Variants in RALGAPA1 observed in about 807,000 individuals in gnomAD.
The protein encoded by RALGAPA1 is ral GTPase-activating protein subunit alpha-1.
A neutral mutation model predicts 269.6 loss-of-function variants in RALGAPA1; 52 were observed. The observed-to-expected ratio is 0.19, with a 90% confidence interval of 0.15 to 0.24. The LOEUF (loss-of-function observed/expected upper bound fraction) is 0.24, where lower values mean the gene tolerates loss of function less well. Ranked by LOEUF, RALGAPA1 falls within the 10% of genes least tolerant of loss-of-function variation. The pLI is 1.00. For synonymous variants in RALGAPA1, 817 were observed against 1,008.3 expected (o/e 0.81, Z 3.60); for missense variants, 1,917 against 3,013.9 (o/e 0.64, Z 8.52).
At chr14:35,670,397 T>G (rs2064304841) in intron 26 of RALGAPA1, among the ~76,000 whole-genome samples, 1 of 152,234 alleles carries the variant, frequency 6.6e-6, no homozygotes, top group East Asian at 1.9e-4. Context: ...ATTTACACTT[T>G]GCTCCAGAGT....
intron 1 of RALGAPA1, among the ~76,000 whole-genome samples, chr14:35,780,190 A>T (rs560675747): frequency 1.3e-5 from 2 of 152,338 alleles, no homozygotes; most frequent in Non-Finnish European, 2.9e-5. Flanking sequence ...ACAATTGTGA[A>T]CATATATGCA....
chr14:35,575,443 A>G (rs372389846), intron 37 of RALGAPA1, among the ~76,000 whole-genome samples: 11 of 152,312 alleles, frequency 7.2e-5, no homozygotes, highest in East Asian at 3.9e-4. Flanking sequence ...CCTCAAATAC[A>G]CTAGAATGTT....
intron 35 of RALGAPA1, among the ~76,000 whole-genome samples, chr14:35,606,815 T>C (rs1033874845): frequency 6.6e-6 from 1 of 151,808 alleles, no homozygotes; most frequent in African/African-American, 2.4e-5. Context: ...TTTAAAGAAT[T>C]TAGTCTGACA....
chr14:35,727,318 T>C (rs2070040699), intron 13 of RALGAPA1, among the ~76,000 whole-genome samples: 2 of 129,930 alleles, frequency 1.5e-5, no homozygotes, highest in Admixed American at 1.5e-4. Context: ...GGCATATATA[T>C]ATATATATAT....
chr14:35,626,406 C>T (rs1444197117), intron 34 of RALGAPA1, among the ~76,000 whole-genome samples: 1 of 152,136 alleles, frequency 6.6e-6, no homozygotes, highest in Non-Finnish European at 1.5e-5. Flanking sequence ...CCACTACCTA[C>T]AGGGTTTCAT....
At chr14:35,757,438 C>T (rs2073285221) in intron 6 of RALGAPA1, among the ~76,000 whole-genome samples, 1 of 152,004 alleles carries the variant, frequency 6.6e-6, no homozygotes, top group Admixed American at 6.6e-5. Context: ...TAACAATCAG[C>T]TGTTCTGTGA....
At chr14:35,668,704 C>T (rs192516136) in intron 26 of RALGAPA1, among the ~76,000 whole-genome samples, 58 of 152,198 alleles carry the variant, frequency 3.8e-4, no homozygotes, top group Non-Finnish European at 1.3e-4. Flanking sequence ...TACTTGGGAT[C>T]TGTTGTGGGA....
chr14:35,549,522 TTTAC>T (rs1185777856), intron 39 of RALGAPA1, among the ~76,000 whole-genome samples: 1 of 152,134 alleles, frequency 6.6e-6, no homozygotes, highest in African/African-American at 2.4e-5. Context: ...AAGTTAACAG[TTTAC>T]TTGAGAAAGG....
At chr14:35,598,401 T>A (rs1335022000) in intron 36 of RALGAPA1, among the ~76,000 whole-genome samples, 4 of 150,218 alleles carry the variant, frequency 2.7e-5, no homozygotes, top group Non-Finnish European at 5.9e-5. Context: ...CTATATTGTT[T>A]TATATATATA....
chr14:35,797,198 C>A (rs2076626857), intron 1 of RALGAPA1, among the ~76,000 whole-genome samples: 1 of 151,112 alleles, frequency 6.6e-6, no homozygotes, highest in Non-Finnish European at 1.5e-5. Context: ...ACTAAAAATA[C>A]AAAAAATTAG....
chr14:35,558,408 C>A (rs116855600), intron 39 of RALGAPA1, among the ~76,000 whole-genome samples: 1 of 151,998 alleles, frequency 6.6e-6, no homozygotes, highest in East Asian at 1.9e-4. Context: ...TGAATTGTGA[C>A]GATTTTATCC....
intron 3 of RALGAPA1, among the ~76,000 whole-genome samples, chr14:35,771,232 A>G (rs1296773945): frequency 6.6e-6 from 1 of 152,048 alleles, no homozygotes; most frequent in African/African-American, 2.4e-5. Flanking sequence ...TGTCTCTACT[A>G]AAAATACAAA....
At chr14:35,752,352 T>G (rs2072794922) in intron 7 of RALGAPA1, among the ~76,000 whole-genome samples, 190 bp from the exon 8 acceptor site, 1 of 152,174 alleles carries the variant, frequency 6.6e-6, no homozygotes, top group African/African-American at 2.4e-5. Flanking sequence ...TATGTATATG[T>G]TTAAAAAACC....
At chr14:35,721,030 G>A (rs1372096508) in intron 16 of RALGAPA1, among the ~76,000 whole-genome samples, 1 of 152,192 alleles carries the variant, frequency 6.6e-6, no homozygotes, top group Non-Finnish European at 1.5e-5. Context: ...TCTCATTGCA[G>A]TGCTTTTTCT....
intron 8 of RALGAPA1, among the ~76,000 whole-genome samples, chr14:35,751,795 A>C (rs1308548850): frequency 1.7e-5 from 2 of 117,418 alleles, no homozygotes; most frequent in Non-Finnish European, 3.8e-5. Flanking sequence ...TAAAAAAAAC[A>C]ACAACAACAA....
intron 4 of RALGAPA1, chr14:35,766,774 G>A (rs1413281100): frequency 1.9e-6 from 1 of 516,366 alleles, no homozygotes; most frequent in African/African-American, 1.9e-5. Context: ...TTTAACTCTG[G>A]AGTATGCTAA....
chr14:35,631,945 CAT>C (rs2061384522), intron 33 of RALGAPA1, among the ~76,000 whole-genome samples: 1 of 152,052 alleles, frequency 6.6e-6, no homozygotes, highest in Admixed American at 6.5e-5. Context: ...CAGAGTATCC[CAT>C]ATGTCTTCTT....
intron 38 of RALGAPA1, 58 bp from the exon 39 acceptor site, chr14:35,570,802 G>A: frequency 1.3e-6 from 2 of 1,486,886 alleles, no homozygotes; most frequent in Middle Eastern, 1.8e-4. Flanking sequence ...TTGTAAATAA[G>A]AGCAATCAAG....
At chr14:35,634,919 C>T (rs1594907506) in intron 32 of RALGAPA1, among the ~76,000 whole-genome samples, 162 bp from the exon 33 acceptor site, 1 of 152,146 alleles carries the variant, frequency 6.6e-6, no homozygotes, top group African/African-American at 2.4e-5. Flanking sequence ...GTAATCCCAG[C>T]AGGGATTACA....
Sources: gnomAD v4.1 joint callset for allele counts (sites outside exome capture counted in the v4.1 genomes callset) on GRCh38, gnomAD v4.1.1 for gene constraint, MANE v1.5 for transcripts, NCBI Gene and HGNC (gene_info 2026-07-23, HGNC 2026-07-21) for gene names.